Variants in KIAA1328 observed in about 807,000 individuals in gnomAD.
KIAA1328 encodes protein hinderin.
Under a neutral mutation model 68.1 loss-of-function variants are expected in KIAA1328, and 52 were observed. The ratio of observed to expected loss-of-function variants is 0.76; its 90% CI spans 0.61 to 0.96. The LOEUF is 0.96. KIAA1328 is among the 40% of genes least tolerant of loss of function. The probability of loss-of-function intolerance (pLI) is 0.00; values close to 1 mark genes in which losing one functional copy is unlikely to be tolerated. For synonymous variants in KIAA1328, 232 were observed against 239.4 expected, an observed-to-expected ratio of 0.97 and a Z score of 0.28; for missense variants, 641 against 677.6, an observed-to-expected ratio of 0.95 and a Z score of 0.60.
chr18:36,871,981 GC>G (rs1328161270), intron 4 of KIAA1328, among the ~76,000 whole-genome samples: 1 of 152,130 alleles, frequency 6.6e-6, no homozygotes, highest in Non-Finnish European at 1.5e-5. Context: ...CCCTGATCAA[GC>G]ATCAATCTTG....
intron 6 of KIAA1328, among the ~76,000 whole-genome samples, chr18:36,969,715 G>A (rs1202445773): frequency 6.6e-6 from 1 of 152,154 alleles, no homozygotes; most frequent in Non-Finnish European, 1.5e-5. Context: ...ACAAAGAAGG[G>A]CTGGTAGCAT....
Position 36,858,786 on chromosome 18 carries a change from A to T in KIAA1328, c.332+14484A>T, listed in dbSNP as rs1341103918. On this transcript the variant is annotated intron_variant, in intron 4 of 9. Coordinates refer to ENST00000280020, the MANE Select transcript of KIAA1328 (RefSeq NM_020776.3). The stretch of plus-strand genomic sequence containing the variant: ...TTTGGGACGAATTCCACAGAGGTGA[A>T]GTGCCCTTTCCATCACACATGATGC... Among the ~76,000 whole-genome samples the T allele has an allele frequency of 2.0e-5, 3 of 152,334 alleles. No homozygotes were observed. In the East Asian group the frequency reaches 5.8e-4, roughly 29 times the overall value.
At chr18:36,986,008 G>A (rs968874653) in intron 6 of KIAA1328, among the ~76,000 whole-genome samples, 1 of 152,160 alleles carries the variant, frequency 6.6e-6, no homozygotes, top group Admixed American at 6.5e-5. Flanking sequence ...ATGCACTGCT[G>A]AGAGGAAGGT....
intron 7 of KIAA1328, among the ~76,000 whole-genome samples, chr18:37,107,314 A>G (rs1056966096): frequency 1.2e-4 from 19 of 152,230 alleles, no homozygotes; most frequent in African/African-American, 4.6e-4. Flanking sequence ...CATAATAGAT[A>G]TGATAAAACA....
rs556857929 is a variant in KIAA1328 at position 37,215,184 on chromosome 18, A to G, written c.1524-6833A>G. On this transcript the variant is annotated intron_variant, in intron 9 of 9. Coordinates refer to ENST00000280020, the MANE Select transcript of KIAA1328 (RefSeq NM_020776.3). ...TGCCCTGGCCAGAACTTCCAACACT[A>G]TGTTGAATAGGAGTGGTGAGAGAGG... 3.3e-5 allele frequency among the ~76,000 whole-genome samples: 5 copies of G among 152,248 alleles called. No individual in the cohort carries two copies. The East Asian group carries it at 5.8e-4, about 18-fold the overall frequency.
At chr18:36,969,868 C>A (rs542695017) in intron 6 of KIAA1328, among the ~76,000 whole-genome samples, 1 of 152,172 alleles carries the variant, frequency 6.6e-6, no homozygotes, top group African/African-American at 2.4e-5. Context: ...CAGCTGAATT[C>A]TACCAGAGGA....
At chr18:37,200,677 G>A (rs2060092508) in intron 9 of KIAA1328, among the ~76,000 whole-genome samples, 1 of 151,920 alleles carries the variant, frequency 6.6e-6, no homozygotes, top group Non-Finnish European at 1.5e-5. Flanking sequence ...CGGGCGCGGT[G>A]GCGGGCGCCT....
chr18:37,160,684 A>G (rs758417262), intron 8 of KIAA1328, among the ~76,000 whole-genome samples: 14 of 152,220 alleles, frequency 9.2e-5, no homozygotes, highest in Non-Finnish European at 1.6e-4. Context: ...GTGAGTAAAG[A>G]GGGCAAGATA....
intron 5 of KIAA1328, among the ~76,000 whole-genome samples, chr18:36,949,078 G>C (rs1224982400): frequency 6.6e-6 from 1 of 152,098 alleles, no homozygotes; most frequent in Admixed American, 6.5e-5. Flanking sequence ...CAGTTCACTT[G>C]ATAAGGAAGC....
At chr18:36,841,366 A>G (rs943020045) in intron 3 of KIAA1328, among the ~76,000 whole-genome samples, 1 of 151,370 alleles carries the variant, frequency 6.6e-6, no homozygotes, top group Non-Finnish European at 1.5e-5. Flanking sequence ...TTCCCAATAG[A>G]TGGTGTTGGG....
chr18:37,025,414 A>G (rs2054530431), intron 6 of KIAA1328, among the ~76,000 whole-genome samples: 1 of 152,184 alleles, frequency 6.6e-6, no homozygotes, highest in African/African-American at 2.4e-5. Flanking sequence ...AATCAACAGA[A>G]TATGCATTCT....
At position 37,123,644 on chromosome 18, in the gene KIAA1328, T is replaced by C. The variant is rs762875328; in HGVS notation, c.1233-36556T>C. On this transcript the variant is annotated intron_variant, in intron 7 of 9. Coordinates refer to ENST00000280020, the MANE Select transcript of KIAA1328 (RefSeq NM_020776.3). ...TAAAATATGCCATGGGTGGCTAAAA[T>C]AGAGTATGTGATTTGGTTTAAAGGA... Among the ~76,000 whole-genome samples the C allele has an allele frequency of 3.9e-5, 6 of 152,090 alleles. No homozygotes were observed. In the South Asian group the frequency reaches 1.2e-3, roughly 31 times the overall value.
intron 6 of KIAA1328, among the ~76,000 whole-genome samples, chr18:37,062,189 G>A (rs1472082991): frequency 6.6e-6 from 1 of 151,986 alleles, no homozygotes; most frequent in African/African-American, 2.4e-5. Flanking sequence ...CTCAACTTTA[G>A]CAAAATAAAG....
At chr18:37,085,912 G>A (rs911250177) in intron 7 of KIAA1328, among the ~76,000 whole-genome samples, 7 of 151,768 alleles carry the variant, frequency 4.6e-5, no homozygotes, top group Non-Finnish European at 8.8e-5. Flanking sequence ...ATATTTATAA[G>A]ATTGTAAATA....
At chr18:37,082,985 G>A (rs189897634) in intron 7 of KIAA1328, among the ~76,000 whole-genome samples, 2 of 152,096 alleles carry the variant, frequency 1.3e-5, no homozygotes, top group Non-Finnish European at 2.9e-5. Flanking sequence ...AGTGAAAAAC[G>A]TGTCACCTTG....
intron 5 of KIAA1328, among the ~76,000 whole-genome samples, chr18:36,938,044 T>C (rs1448887180): frequency 6.6e-6 from 1 of 152,218 alleles, no homozygotes; most frequent in Non-Finnish European, 1.5e-5. Flanking sequence ...TTGTAGTAAA[T>C]AGTGCTTTAA....
intron 8 of KIAA1328, among the ~76,000 whole-genome samples, chr18:37,171,438 C>A (rs1395432645): frequency 6.6e-6 from 1 of 152,146 alleles, no homozygotes; most frequent in Non-Finnish European, 1.5e-5. Flanking sequence ...TGGTCTTCAA[C>A]TCCTGGCCTG....
intron 7 of KIAA1328, among the ~76,000 whole-genome samples, chr18:37,100,593 G>A (rs1303200705): frequency 1.3e-5 from 2 of 152,196 alleles, no homozygotes; most frequent in African/African-American, 4.8e-5. Context: ...CACCTCTGGG[G>A]GCAGGGCATA....
At chr18:37,011,480 C>G (rs900035958) in intron 6 of KIAA1328, among the ~76,000 whole-genome samples, 6 of 152,160 alleles carry the variant, frequency 3.9e-5, no homozygotes, top group African/African-American at 1.4e-4. Context: ...CTTCACTGCT[C>G]TCATCCTAAT....
Sources: allele counts gnomAD v4.1 joint callset (sites outside exome capture counted in the v4.1 genomes callset), GRCh38; gene constraint gnomAD v4.1.1; transcripts MANE v1.5; gene names NCBI Gene and HGNC (gene_info 2026-07-23, HGNC 2026-07-21).